Variants in NAA40 observed in about 807,000 individuals in gnomAD.
The protein encoded by NAA40 is N-alpha-acetyltransferase 40, NatD catalytic subunit.
A neutral mutation model predicts 36.6 loss-of-function variants in NAA40; 26 were observed. That is an observed-to-expected ratio of 0.71 (90% CI 0.52 to 0.98). NAA40 has a LOEUF of 0.98. Ranked by LOEUF, NAA40 falls within the 50% of genes least tolerant of loss-of-function variation. NAA40 has a pLI of 0.00. For missense variants in NAA40, 237 were observed against 306.5 expected, an observed-to-expected ratio of 0.77 and a Z score of 1.69; for synonymous variants, 129 against 108.4, an observed-to-expected ratio of 1.19 and a Z score of -1.18.
chr11:63,950,829 T>C (rs1942268672), intron 3 of NAA40, among the ~76,000 whole-genome samples: 1 of 152,244 alleles, frequency 6.6e-6, no homozygotes, highest in African/African-American at 2.4e-5. Context: ...AAAACAGGCA[T>C]TGCCAGCCAA....
intron 3 of NAA40, among the ~76,000 whole-genome samples, chr11:63,951,486 G>A (rs1006397752): frequency 1.3e-5 from 2 of 152,134 alleles, no homozygotes; most frequent in Admixed American, 1.3e-4. Context: ...TGGGATTACA[G>A]GCACCCACCA....
intron 2 of NAA40, 106 bp from the exon 3 acceptor site, chr11:63,946,845 G>C: frequency 6.2e-7 from 1 of 1,603,046 alleles, no homozygotes; most frequent in South Asian, 1.1e-5. Flanking sequence ...TTAGTCTCCC[G>C]TTGTGGGTCC....
At position 63,945,879 on chromosome 11, in the gene NAA40, T is replaced by C; in HGVS notation, c.46T>C (p.Leu16=). The C allele has an allele frequency of 1.2e-6, 2 of 1,614,078 alleles. No individual in the cohort carries two copies. Among genetic ancestry groups the C allele is most frequent in the Middle Eastern group, 1.7e-4 (1 of 6,052 alleles). ...AGCCAAGGAGAAGAAGCAGAAGCGGTTGGAGGAGCGAGCAGCCATGGATGC... is the reference window on the plus strand; with the variant it reads ...AGCCAAGGAGAAGAAGCAGAAGCGGCTGGAGGAGCGAGCAGCCATGGATGC... ...SKAKEKKQKR[L]EERAAMDAVC... The change falls in exon 2 of 8, where the codon TTG becomes CTG. Residue 16 remains leucine, a synonymous_variant. Coordinates refer to ENST00000377793, the MANE Select transcript of NAA40 (RefSeq NM_024771.4).
Position 63,956,017 on chromosome 11 carries a change from C to T in NAA40, c.*1538C>T, listed in dbSNP as rs990392276. The T allele has an allele frequency of 1.3e-5, 2 of 152,734 alleles. No homozygotes were observed. The highest frequency in any genetic ancestry group is 2.9e-5 in the Non-Finnish European group (2 of 68,142). The allele number at this position is 152,734 out of a possible 1,614,324, so 9.5% of individuals were successfully genotyped here. A position where few individuals can be genotyped will look rare whatever the true frequency, so the allele number is the denominator to read the frequency against. The stretch of plus-strand genomic sequence containing the variant: ...TCCTGGCAGATCTCCCCAGAGTGGT[C>T]CTTGCTTCTCACCTGGATTCCTGCT... On this transcript the variant is annotated 3_prime_UTR_variant, in exon 8 of 8. Coordinates refer to ENST00000377793, the MANE Select transcript of NAA40 (RefSeq NM_024771.4).
chr11:63,950,989 A>T (rs145341110), intron 3 of NAA40, among the ~76,000 whole-genome samples: 375 of 152,304 alleles, frequency 2.5e-3, no homozygotes, highest in Non-Finnish European at 3.9e-3. Context: ...GGCAGCTGTG[A>T]TGGCTAAGTG....
intron 3 of NAA40, among the ~76,000 whole-genome samples, chr11:63,947,727 G>GT (rs55682014): frequency 0.14 from 16,363 of 118,102 alleles, 4,362 homozygotes; most frequent in African/African-American, 0.5. Context: ...ATTTTTGTGG[G>GT]TTTTTTTTTT....
In NAA40 at chr11:63,952,212, C is replaced by T. The variant is rs750579163; in HGVS notation, c.156-26C>T. The T allele has an allele frequency of 2.6e-6, 4 of 1,563,246 alleles. No individual in the cohort carries two copies. In the Admixed American group the frequency reaches 5.2e-5, roughly 20 times the overall value. On this transcript the variant is annotated intron_variant, in intron 3 of 7. Coordinates refer to ENST00000377793, the MANE Select transcript of NAA40 (RefSeq NM_024771.4). ...CCTGGCAGGAGTGCTGTAACCAATT[C>T]CGTACACGTCCTGTCCTCTTCTCAG...
At chr11:63,949,840 A>G (rs1280002075) in intron 3 of NAA40, among the ~76,000 whole-genome samples, 1 of 139,976 alleles carries the variant, frequency 7.1e-6, no homozygotes, top group Non-Finnish European at 1.5e-5. Context: ...AGCCTCCCGG[A>G]TTCACGCCAT....
intron 3 of NAA40, among the ~76,000 whole-genome samples, chr11:63,949,367 AGTG>A (rs1209538253): frequency 6.6e-6 from 1 of 152,070 alleles, no homozygotes; most frequent in Non-Finnish European, 1.5e-5. Flanking sequence ...GCAGCTGTGT[AGTG>A]GTGGGGTTGG....
In NAA40 at chr11:63,953,849, C is replaced by T. The variant is rs542825962; in HGVS notation, c.495-123C>T. ...CCCACTATGTTTTCCAGGCTGGTCT[C>T]TAACTCCTGGGCTCAAATGATCCTC... is the stretch of plus-strand genomic sequence containing the variant. On this transcript the variant is annotated intron_variant, in intron 6 of 7. Transcript: ENST00000377793. 2.2e-3 allele frequency: 1,811 copies of T among 808,958 alleles called. 45 individuals are homozygous for T. The South Asian group carries it at 0.028, about 13-fold the overall frequency. 50.1% of individuals were successfully genotyped at this position (808,958 alleles called of 1,614,324 possible). A position where few individuals can be genotyped will look rare whatever the true frequency, so the allele number is the denominator to read the frequency against.
intron 1 of NAA40, among the ~76,000 whole-genome samples, chr11:63,945,552 G>C (rs547193028): frequency 6.6e-6 from 1 of 152,300 alleles, no homozygotes; most frequent in Admixed American, 6.5e-5. Flanking sequence ...GGGCTGGCCT[G>C]CTGTAGGCGT....
chr11:63,949,742 T>TG (rs1491149571), intron 3 of NAA40, among the ~76,000 whole-genome samples: 2 of 104,912 alleles, frequency 1.9e-5, no homozygotes, highest in Non-Finnish European at 4.1e-5. Flanking sequence ...ACTTGCAAGC[T>TG]GTTTTTTTTT....
chr11:63,953,921 T>C (rs1942320597), intron 6 of NAA40, 51 bp from the exon 7 acceptor site: 1 of 1,532,902 alleles, frequency 6.5e-7, no homozygotes. Context: ...CATGCCACCA[T>C]GCCTGGCCAT....
intron 3 of NAA40, among the ~76,000 whole-genome samples, chr11:63,947,994 A>T (rs1942216337): frequency 6.6e-6 from 1 of 152,050 alleles, no homozygotes; most frequent in African/African-American, 2.4e-5. Flanking sequence ...TGTTGGGATT[A>T]CAGGTGTGAG....
At chr11:63,940,130 A>T (rs1942085176) in intron 1 of NAA40, among the ~76,000 whole-genome samples, 1 of 133,182 alleles carries the variant, frequency 7.5e-6, no homozygotes, top group Non-Finnish European at 1.5e-5. Flanking sequence ...GGCTCACTGC[A>T]TCCTCCTTCT....
At chr11:63,943,079 T>C (rs934077343) in intron 1 of NAA40, among the ~76,000 whole-genome samples, 19 of 152,160 alleles carry the variant, frequency 1.2e-4, no homozygotes, top group African/African-American at 2.4e-5. Context: ...GTAAGGGAGC[T>C]TGTACCTGCA....
intron 2 of NAA40, chr11:63,946,693 C>G: frequency 6.7e-7 from 1 of 1,484,010 alleles, no homozygotes; most frequent in Non-Finnish European, 9.0e-7. Context: ...TGTATGCCCA[C>G]AGGCTAATGA....
intron 6 of NAA40, among the ~76,000 whole-genome samples, 193 bp from the exon 7 acceptor site, chr11:63,953,779 T>C (rs1156294997): frequency 1.3e-5 from 2 of 152,094 alleles, no homozygotes; most frequent in Non-Finnish European, 2.9e-5. Context: ...GCCACTATAC[T>C]GGGCTGATTT....
chr11:63,939,136 A>G (rs1029459053), intron 1 of NAA40, 34 bp downstream of exon 1: 1 of 1,584,160 alleles, frequency 6.3e-7, no homozygotes. Context: ...TGGGAGGTCC[A>G]GGGGCGCTCC....
Sources: allele counts gnomAD v4.1 joint callset (sites outside exome capture counted in the v4.1 genomes callset), GRCh38; gene constraint gnomAD v4.1.1; transcripts MANE v1.5; gene names NCBI Gene and HGNC (gene_info 2026-07-23, HGNC 2026-07-21).